Variants in EYS observed in about 807,000 individuals in gnomAD.
The protein encoded by EYS is EGF-like photoreceptor maintenance factor, also known as protein eyes shut homolog.
In EYS, 250 loss-of-function variants were observed where a neutral mutation model predicts 282.1. That is an observed-to-expected ratio of 0.89 (90% CI 0.80 to 0.98). The LOEUF is 0.98. EYS is among the 50% of genes least tolerant of loss of function. The pLI, the probability that EYS is intolerant of heterozygous loss-of-function variation, is 0.00. For missense variants in EYS, 4,016 were observed against 3,709.0 expected (o/e 1.08, Z -2.15); for synonymous variants, 1,355 against 1,282.9 (o/e 1.06, Z -1.20).
chr6:65,102,630 GA>G (rs982263371), intron 12 of EYS, among the ~76,000 whole-genome samples: 1 of 150,824 alleles, frequency 6.6e-6, no homozygotes, highest in Non-Finnish European at 1.5e-5. Context: ...AATTTTTGGG[GA>G]AAGTTTAACA....
At position 64,861,155 on chromosome 6, in the gene EYS, AG is replaced by A. The variant is rs1262529821; in HGVS notation, c.2992+25541del. Among the ~76,000 whole-genome samples, 5 of 152,154 alleles carry A rather than the reference AG, an allele frequency of 3.3e-5. No individual in the cohort carries two copies. The East Asian group carries it at 9.7e-4, about 29-fold the overall frequency. On this transcript the variant is annotated intron_variant, in intron 19 of 42. Transcript: ENST00000503581. ...CATGGTGTCCAGGCTGTTCATGCCCAGGGGTTCTGGCAGGCCAGTGCGGAAC... is the reference window on the plus strand; with the variant it reads ...CATGGTGTCCAGGCTGTTCATGCCCAGGGTTCTGGCAGGCCAGTGCGGAAC...
intron 1 of EYS, among the ~76,000 whole-genome samples, chr6:65,660,829 TAGAA>T: frequency 6.6e-6 from 1 of 151,962 alleles, no homozygotes; most frequent in East Asian, 1.9e-4. Flanking sequence ...AAGAGTCAAT[TAGAA>T]AGCACCTCAG....
intron 12 of EYS, among the ~76,000 whole-genome samples, chr6:65,166,469 G>T (rs1463153039): frequency 6.6e-6 from 1 of 151,120 alleles, no homozygotes; most frequent in East Asian, 2.0e-4. Flanking sequence ...ATGCTAAGAT[G>T]ATTCAATAAG....
intron 12 of EYS, among the ~76,000 whole-genome samples, chr6:65,162,911 T>TTGTGTGTGTGTG (rs3036015): frequency 4.1e-5 from 6 of 147,288 alleles, no homozygotes; most frequent in South Asian, 2.1e-4. Flanking sequence ...CCTGTTCTGT[T>TTGTGTGTGTGTG]TGTGTGTGTG....
chr6:65,642,882 T>C (rs1767326067), intron 1 of EYS, among the ~76,000 whole-genome samples: 1 of 152,170 alleles, frequency 6.6e-6, no homozygotes, highest in African/African-American at 2.4e-5. Flanking sequence ...TAAGAATAAT[T>C]TAGAGAGCTT....
chr6:65,699,320 A>G (rs1582617083), intron 1 of EYS, among the ~76,000 whole-genome samples: 2 of 152,252 alleles, frequency 1.3e-5, no homozygotes, highest in Admixed American at 6.5e-5. Context: ...ATGAAACCCT[A>G]TTTTACATAT....
chr6:65,114,846 A>G lies in EYS; in HGVS notation c.2024-57119T>C, dbSNP rs114169969. ...CCTATGTACTTTATATTTTACCACA[A>G]TTATACGCCCTCTATTTCACTTACA... is the stretch of plus-strand genomic sequence containing the variant. On this transcript the variant is annotated intron_variant, in intron 12 of 42. Coordinates refer to ENST00000503581, the MANE Select transcript of EYS (RefSeq NM_001142800.2). 7.2e-4 allele frequency among the ~76,000 whole-genome samples: 109 copies of G among 152,068 alleles called. 1 individual carries two copies. Among genetic ancestry groups the G allele is most frequent in the African/African-American group, 2.6e-3 (106 of 41,526 alleles).
At position 64,779,233 on chromosome 6, in the gene EYS, A is replaced by G. The variant is rs146917996; in HGVS notation, c.3443+34145T>C. Among the ~76,000 whole-genome samples, 191 of 152,294 alleles carry G rather than the reference A, an allele frequency of 1.3e-3. 2 individuals are homozygous for G. Among genetic ancestry groups the G allele is most frequent in the African/African-American group, 4.4e-3 (184 of 41,576 alleles). ...TTGTTTCTAATTGCCAAAACTTGGA[A>G]GTATTTAAAATATTCTTCAGTAGGT... On this transcript the variant is annotated intron_variant, in intron 22 of 42. Coordinates refer to ENST00000503581, the MANE Select transcript of EYS (RefSeq NM_001142800.2).
chr6:64,556,009 A>G (rs1431408770), intron 26 of EYS, among the ~76,000 whole-genome samples: 1 of 152,086 alleles, frequency 6.6e-6, no homozygotes, highest in African/African-American at 2.4e-5. Flanking sequence ...AAGGATGTAG[A>G]GAAGCCAGAA....
Position 63,720,680 on chromosome 6 carries a change from AAATACAACATCTTT to A in EYS, c.9337_9350del (p.Lys3113PhefsTer8). On this transcript the variant is annotated frameshift_variant, in exon 43 of 43. Transcript: ENST00000503581. LOFTEE classifies it high-confidence loss of function. ...GTTCAATGTTTTTTGGTTCCTGAAAAAATACAACATCTTTAATTTTGCCAACAAAATTGGTTTTA... is the reference window on the plus strand; with the variant it reads ...GTTCAATGTTTTTTGGTTCCTGAAAAAATTTTGCCAACAAAATTGGTTTTA... 1.3e-6 allele frequency: 2 copies of A among 1,546,154 alleles called. No individual in the cohort carries two copies. The highest frequency in any genetic ancestry group is 1.7e-6 in the Non-Finnish European group (2 of 1,145,032).
rs189566612 is a variant in EYS at position 64,776,498 on chromosome 6, C to T, written c.3443+36880G>A. 2.5e-3 allele frequency among the ~76,000 whole-genome samples: 378 copies of T among 152,020 alleles called. 1 individual carries two copies. The highest frequency in any genetic ancestry group is 3.9e-3 in the Non-Finnish European group (268 of 67,958). On this transcript the variant is annotated intron_variant, in intron 22 of 42. Coordinates refer to ENST00000503581, the MANE Select transcript of EYS (RefSeq NM_001142800.2). ...TATGCTATTTAAATATATTCTCTGGCTATCTGAAAGGCTTTCTATTCTTTG... is the reference window on the plus strand; with the variant it reads ...TATGCTATTTAAATATATTCTCTGGTTATCTGAAAGGCTTTCTATTCTTTG...
intron 29 of EYS, 37 bp from the exon 30 acceptor site, chr6:64,307,119 T>A: frequency 9.6e-7 from 1 of 1,041,672 alleles, no homozygotes; most frequent in Non-Finnish European, 1.4e-6. Flanking sequence ...TAGAGATAAT[T>A]TAAATGATTT....
rs1247167142 is a variant in EYS, at chr6:64,391,942, A to C, written c.5928-3102T>G. On this transcript the variant is annotated intron_variant, in intron 28 of 42. Coordinates refer to ENST00000503581, the MANE Select transcript of EYS (RefSeq NM_001142800.2). ...AAGGATGGAGGAAGATCTACCAAGCAAATGGAAAACAAAAAAAGGCAGGGG... is the reference window on the plus strand; with the variant it reads ...AAGGATGGAGGAAGATCTACCAAGCCAATGGAAAACAAAAAAAGGCAGGGG... Among the ~76,000 whole-genome samples the C allele has an allele frequency of 3.9e-5, 6 of 152,100 alleles. No individual in the cohort carries two copies. In the East Asian group the frequency reaches 5.8e-4, roughly 15 times the overall value.
At chr6:63,767,331 C>A (rs1205198546) in intron 40 of EYS, among the ~76,000 whole-genome samples, 1 of 152,090 alleles carries the variant, frequency 6.6e-6, no homozygotes, top group Non-Finnish European at 1.5e-5. Flanking sequence ...CTGAGAAAAT[C>A]CCATGGCCTC....
intron 29 of EYS, among the ~76,000 whole-genome samples, chr6:64,376,570 T>G (rs971145994): frequency 6.6e-6 from 1 of 152,208 alleles, no homozygotes; most frequent in Non-Finnish European, 1.5e-5. Context: ...TATTTTGTTT[T>G]CTGAGAGGTG....
At chr6:64,835,146 T>C (rs1236345276) in intron 19 of EYS, among the ~76,000 whole-genome samples, 1 of 151,764 alleles carries the variant, frequency 6.6e-6, no homozygotes, top group Non-Finnish European at 1.5e-5. Flanking sequence ...AGTACTCCCA[T>C]CTTTTTTATT....
rs1434157920 is a variant in EYS, at chr6:63,779,740, TC to T, written c.7724-1561del. ...TTTTTTTTGGAGGCATAAAAAGCTTTCTTTTTCTTTTTTTTGTCATTGTTAT... is the reference window on the plus strand; with the variant it reads ...TTTTTTTTGGAGGCATAAAAAGCTTTTTTTTCTTTTTTTTGTCATTGTTAT... On this transcript the variant is annotated intron_variant, in intron 39 of 42. Coordinates refer to ENST00000503581, the MANE Select transcript of EYS (RefSeq NM_001142800.2). 6.3e-3 allele frequency among the ~76,000 whole-genome samples: 938 copies of T among 147,786 alleles called. 9 individuals carry two copies. The highest frequency in any genetic ancestry group is 0.022 in the African/African-American group (871 of 39,840).
chr6:64,858,163 A>G (rs1320927791), intron 19 of EYS, among the ~76,000 whole-genome samples: 1 of 152,148 alleles, frequency 6.6e-6, no homozygotes, highest in African/African-American at 2.4e-5. Context: ...TATTAAAAAA[A>G]TTATTGGCCA....
chr6:65,446,390 A>G (rs1240362232), intron 5 of EYS, among the ~76,000 whole-genome samples: 1 of 151,886 alleles, frequency 6.6e-6, no homozygotes, highest in Non-Finnish European at 1.5e-5. Flanking sequence ...AAACTGTCAG[A>G]ACTAAAAGTA....
Sources: allele counts gnomAD v4.1 joint callset (sites outside exome capture counted in the v4.1 genomes callset), GRCh38; gene constraint gnomAD v4.1.1; transcripts MANE v1.5; gene names NCBI Gene and HGNC (gene_info 2026-07-23, HGNC 2026-07-21).